NPIPB2: variants seen among roughly 807,000 people sequenced by gnomAD.
NPIPB2 encodes the protein nuclear pore complex-interacting protein family member B2.
Under a neutral mutation model 30.8 loss-of-function variants are expected in NPIPB2, and 27 were observed. The ratio of observed to expected loss-of-function variants is 0.88; its 90% CI spans 0.65 to 1.21. The LOEUF is 1.21. NPIPB2 is among the 50% of genes most tolerant of loss of function. The pLI, the probability that NPIPB2 is intolerant of heterozygous loss-of-function variation, is 0.00. For missense variants in NPIPB2, 440 were observed against 446.2 expected (o/e 0.99, Z 0.13); for synonymous variants, 147 against 162.0 (o/e 0.91, Z 0.70).
intron 1 of NPIPB2, chr16:11,976,460 C>T (rs1013949074): frequency 3.3e-6 from 1 of 302,268 alleles, no homozygotes; most frequent in African/African-American, 2.2e-5. Context: ...GCTCGCATCC[C>T]TCTCTGGGAC....
intron 1 of NPIPB2, among the ~76,000 whole-genome samples, chr16:11,962,630 C>A (rs689440): frequency 0.96 from 138,901 of 144,020 alleles, 67,038 homozygotes; most frequent in East Asian, 1. Context: ...AAAAAAAAAA[C>A]CAAAAAAAAA....
At chr16:11,942,111 C>T, upstream of NPIPB2, 1 of 1,532,218 alleles carries the variant, frequency 6.5e-7, no homozygotes, top group Non-Finnish European at 8.7e-7. Flanking sequence ...ATCTGTCCAT[C>T]AACCTGTATC....
At chr16:11,952,549 G>A (rs369471404) in intron 1 of NPIPB2, among the ~76,000 whole-genome samples, 1 of 141,172 alleles carries the variant, frequency 7.1e-6, no homozygotes, top group Non-Finnish European at 1.5e-5. Flanking sequence ...AGTGTACTAC[G>A]GCCATCTTTC....
At chr16:11,967,946 A>T (rs2055209077) in intron 1 of NPIPB2, 1 of 1,377,998 alleles carries the variant, frequency 7.3e-7, no homozygotes, top group South Asian at 1.4e-5. Context: ...TCAGTTGCCG[A>T]TACAGCTTTT....
chr16:11,944,621 G>A (rs1218015963), upstream of NPIPB2, among the ~76,000 whole-genome samples: 2 of 149,292 alleles, frequency 1.3e-5, no homozygotes, highest in Non-Finnish European at 3.0e-5. Context: ...AAATTAGCTG[G>A]GCGTGGTGGT....
intron 1 of NPIPB2, among the ~76,000 whole-genome samples, chr16:11,954,767 GT>G (rs2055096315): frequency 6.6e-6 from 1 of 151,828 alleles, no homozygotes; most frequent in Admixed American, 6.6e-5. Context: ...AATTAGCCAG[GT>G]GTGGTGGCAG....
chr16:11,966,076 A>C (rs1165085978), intron 1 of NPIPB2: 1 of 1,043,702 alleles, frequency 9.6e-7, no homozygotes, highest in African/African-American at 1.6e-5. Flanking sequence ...GCGCCACTGC[A>C]CTCTAGCCTG....
intron 2 of NPIPB2, among the ~76,000 whole-genome samples, chr16:11,936,252 C>T (rs1053042549): frequency 5.3e-5 from 8 of 150,808 alleles, no homozygotes; most frequent in African/African-American, 1.2e-4. Context: ...TGCAGTGAGC[C>T]GAGGTCACAC....
intron 1 of NPIPB2, among the ~76,000 whole-genome samples, chr16:11,960,900 T>G (rs2055148484): frequency 6.6e-6 from 1 of 151,096 alleles, no homozygotes; most frequent in African/African-American, 2.4e-5. Context: ...ACGGTCTCAC[T>G]CCGTAGCCCA....
chr16:11,942,141 C>G (rs62040817), upstream of NPIPB2: 205,304 of 1,530,218 alleles, frequency 0.13, 15,941 homozygotes, highest in South Asian at 0.21. Context: ...AATGTACGTA[C>G]ATTCATTTTA....
Position 11,947,994 on chromosome 16 carries a change from A to C in NPIPB2, c.-583-5880T>G, listed in dbSNP as rs114521227. Among the ~76,000 whole-genome samples, 843 of 148,432 alleles carry C rather than the reference A, an allele frequency of 5.7e-3. 10 individuals are homozygous for C. The highest frequency in any genetic ancestry group is 0.02 in the African/African-American group (804 of 40,080). Reference sequence around the variant, plus strand: ...AACTACTAAGGTGTCAATTACACCCAAGACTGGCCACTAGATACAGACCCC... The same window carrying C: ...AACTACTAAGGTGTCAATTACACCCCAGACTGGCCACTAGATACAGACCCC... On this transcript the variant is annotated intron_variant, in intron 1 of 5. Coordinates refer to the NPIPB2 transcript ENST00000538896.
intron 1 of NPIPB2, among the ~76,000 whole-genome samples, chr16:11,956,865 G>C (rs753315585): frequency 1.3e-5 from 2 of 152,342 alleles, no homozygotes; most frequent in Non-Finnish European, 2.9e-5. Context: ...CAGGCACTAG[G>C]GGGTGGAGGA....
intron 1 of NPIPB2, among the ~76,000 whole-genome samples, chr16:11,963,417 G>C (rs919268662): frequency 3.3e-5 from 5 of 151,840 alleles, no homozygotes; most frequent in African/African-American, 1.2e-4. Flanking sequence ...TTTAAAGGTT[G>C]GGGTGCTTGG....
intron 2 of NPIPB2, among the ~76,000 whole-genome samples, chr16:11,935,460 T>C (rs868799578): frequency 2.0e-5 from 3 of 152,058 alleles, no homozygotes; most frequent in Admixed American, 6.6e-5. Flanking sequence ...ATTACAGGTG[T>C]CTGCTACCAT....
intron 1 of NPIPB2, among the ~76,000 whole-genome samples, chr16:11,970,548 CTTTT>C (rs1390708198): frequency 1.3e-5 from 2 of 150,458 alleles, no homozygotes; most frequent in South Asian, 4.2e-4. Flanking sequence ...TTTTTTCTTT[CTTTT>C]GAGACACAGT....
At chr16:11,944,733 CAAAAAA>C (rs56283093), upstream of NPIPB2, among the ~76,000 whole-genome samples, 6 of 46,128 alleles carry the variant, frequency 1.3e-4, no homozygotes, top group African/African-American at 4.9e-4. Flanking sequence ...GACTCCGTGT[CAAAAAA>C]AAAAAAAAAA....
chr16:11,973,589 C>CA (rs1240429072), intron 1 of NPIPB2, among the ~76,000 whole-genome samples: 2 of 152,120 alleles, frequency 1.3e-5, no homozygotes, highest in Non-Finnish European at 2.9e-5. Context: ...TTTTTTGAGA[C>CA]AGAGTTTTGT....
At chr16:11,953,707 CTTTAAT>C (rs2055087318) in intron 1 of NPIPB2, among the ~76,000 whole-genome samples, 1 of 128,366 alleles carries the variant, frequency 7.8e-6, no homozygotes, top group Non-Finnish European at 1.6e-5. Flanking sequence ...CTTTTATTTA[CTTTAAT>C]TTTTTTTTTT....
Position 11,951,666 on chromosome 16 carries a change from A to ACACACACACACCCC in NPIPB2, c.-583-9553_-583-9552insGGGGTGTGTGTGTG, listed in dbSNP as rs1226047972. Among the ~76,000 whole-genome samples the ACACACACACACCCC allele has an allele frequency of 4.5e-3, 624 of 138,864 alleles. 13 individuals carry two copies. The highest frequency in any genetic ancestry group is 0.026 in the East Asian group (107 of 4,196). The allele number at this position is 138,864 out of a possible 152,430, so 91.1% of individuals were successfully genotyped here. Reference sequence around the variant, plus strand: ...CACACACACACACACACACACACACACCCAGCCCCCAAACAACAAAATTCA... The same window carrying ACACACACACACCCC: ...CACACACACACACACACACACACACACACACACACACCCCCCCAGCCCCCAAACAACAAAATTCA... On this transcript the variant is annotated intron_variant, in intron 1 of 5. Coordinates refer to the NPIPB2 transcript ENST00000538896.
Sources: gnomAD v4.1 joint callset for allele counts (sites outside exome capture counted in the v4.1 genomes callset) on GRCh38, gnomAD v4.1.1 for gene constraint, MANE v1.5 for transcripts, NCBI Gene and HGNC (gene_info 2026-07-23, HGNC 2026-07-21) for gene names.